The following GCA variants were observed in gnomAD, a reference collection of about 807,000 sequenced individuals.
GCA encodes the protein grancalcin, EF-hand calcium-binding protein.
In GCA, 30 loss-of-function variants were observed where a neutral mutation model predicts 32.6. The ratio of observed to expected loss-of-function variants is 0.92; its 90% CI spans 0.69 to 1.25. GCA has a LOEUF of 1.25. Ranked by LOEUF, GCA falls within the 50% of genes most tolerant of loss-of-function variation. The pLI, the probability that GCA is intolerant of heterozygous loss-of-function variation, is 0.00. For synonymous variants in GCA, 102 were observed against 84.6 expected (o/e 1.21, Z -1.13); for missense variants, 291 against 266.8 (o/e 1.09, Z -0.63).
intron 2 of GCA, among the ~76,000 whole-genome samples, chr2:162,348,554 A>G (rs1684828945): frequency 6.6e-6 from 1 of 152,118 alleles, no homozygotes; most frequent in Non-Finnish European, 1.5e-5. Context: ...ACGATGTGGT[A>G]TGGTTTTAGG....
rs1206264689 is a variant in GCA at position 162,360,379 on chromosome 2, T to C, written c.*136T>C. ...AACCTCTTCCCTTTCTGTGTGTTTT[T>C]ATTTTAGCAGATAGTTCAAAGCAAT... On this transcript the variant is annotated 3_prime_UTR_variant, in exon 8 of 8. Coordinates refer to ENST00000437150, the MANE Select transcript of GCA (RefSeq NM_012198.5). 14 of 1,373,036 alleles carry C rather than the reference T, an allele frequency of 1.0e-5. No homozygotes were observed. The Admixed American group carries it at 4.6e-4, about 45-fold the overall frequency. 85.1% of individuals were successfully genotyped at this position (1,373,036 alleles called of 1,614,324 possible).
At chr2:162,367,674 A>G (rs1334569656), downstream of GCA, among the ~76,000 whole-genome samples, 1 of 152,006 alleles carries the variant, frequency 6.6e-6, no homozygotes, top group Admixed American at 6.6e-5. Flanking sequence ...AAAAACTTTC[A>G]TCTTGGCAAC....
At chr2:162,371,004 A>C (rs1685916054) in intron 4 of GCA, among the ~76,000 whole-genome samples, 1 of 152,050 alleles carries the variant, frequency 6.6e-6, no homozygotes, top group African/African-American at 2.4e-5. Context: ...GATTGCTTTA[A>C]AATGTGAATC....
chr2:162,362,395 C>T lies in GCA; in HGVS notation c.*2152C>T, dbSNP rs1685611079. On this transcript the variant is annotated 3_prime_UTR_variant, in exon 8 of 8. Transcript: ENST00000437150. ...AGAATATTTTACCAGAATTTTTATACTGAAATACAGTTCACTTTTTCGATG... is the reference window on the plus strand; with the variant it reads ...AGAATATTTTACCAGAATTTTTATATTGAAATACAGTTCACTTTTTCGATG... The T allele has an allele frequency of 2.1e-6, 2 of 975,512 alleles. No individual in the cohort carries two copies. Among genetic ancestry groups the T allele is most frequent in the Admixed American group, 6.2e-5 (1 of 16,090 alleles). 60.4% of individuals were successfully genotyped at this position (975,512 alleles called of 1,614,324 possible).
chr2:162,360,232 A>G lies in GCA; in HGVS notation c.643A>G (p.Met215Val), dbSNP rs753222449. The change falls in exon 8 of 8, where the codon ATG (methionine) becomes GTG (valine). Residue 215 changes from methionine to valine, a missense_variant. Coordinates refer to ENST00000437150, the MANE Select transcript of GCA (RefSeq NM_012198.5). ...TATGTATTAGTTTTTGCAGGGCACT[A>G]TGGCAATTTGAATGCTTAGAATTTT... ...FIYDDFLQGT[M>V]AI 3 of 1,568,776 alleles carry G rather than the reference A, an allele frequency of 1.9e-6. No individual in the cohort carries two copies. The highest frequency in any genetic ancestry group is 2.3e-5 in the East Asian group (1 of 43,770).
chr2:162,352,926 A>G (rs1685075193), intron 3 of GCA, among the ~76,000 whole-genome samples: 1 of 152,110 alleles, frequency 6.6e-6, no homozygotes, highest in Admixed American at 6.5e-5. Context: ...ATGTATGATT[A>G]CTTTTCCTTT....
At chr2:162,371,151 GA>G (rs1410698783) in intron 4 of GCA, among the ~76,000 whole-genome samples, 2 of 152,080 alleles carry the variant, frequency 1.3e-5, no homozygotes, top group Non-Finnish European at 2.9e-5. Flanking sequence ...TGTGCCAGTG[GA>G]AAATACTTTA....
At chr2:162,320,367 C>T (rs1246035542) in intron 1 of GCA, among the ~76,000 whole-genome samples, 1 of 152,180 alleles carries the variant, frequency 6.6e-6, no homozygotes, top group Non-Finnish European at 1.5e-5. Context: ...TCTTTTAAGG[C>T]TGTTGCAAAA....
intron 1 of GCA, among the ~76,000 whole-genome samples, chr2:162,324,621 G>A (rs1426031843): frequency 6.6e-6 from 1 of 152,178 alleles, no homozygotes; most frequent in Non-Finnish European, 1.5e-5. Context: ...GGCTACGGTG[G>A]TCTTGGGAAA....
At chr2:162,358,436 T>A (rs922800681) in intron 5 of GCA, among the ~76,000 whole-genome samples, 1 of 151,340 alleles carries the variant, frequency 6.6e-6, no homozygotes. Flanking sequence ...AATCAAAGAT[T>A]TTGGACATCA....
At chr2:162,364,134 A>G (rs762673739), downstream of GCA, among the ~76,000 whole-genome samples, 3 of 151,532 alleles carry the variant, frequency 2.0e-5, no homozygotes, top group South Asian at 2.1e-4. Context: ...AGGTACCCCA[A>G]TGTTTTCCCT....
chr2:162,323,030 C>T (rs1253928290), intron 1 of GCA, among the ~76,000 whole-genome samples: 1 of 151,924 alleles, frequency 6.6e-6, no homozygotes, highest in African/African-American at 2.4e-5. Context: ...ACCAACAGTG[C>T]AAAAGTGTTC....
In GCA at chr2:162,359,102, C is replaced by A. The variant is rs370519197; in HGVS notation, c.513C>A (p.Gly171=). Residue 171 remains glycine (G), a synonymous_variant, in exon 6 of 8, where the codon GGC becomes GGA. Coordinates refer to ENST00000437150, the MANE Select transcript of GCA (RefSeq NM_012198.5). ...TTIVKRYSKN[G]RIFFDDYVAC... is the part of the protein sequence containing the mutation. The stretch of plus-strand genomic sequence containing the variant: ...TTGTTAAACGTTATAGCAAGAATGG[C>A]AGAATTTTCTTTGATGATTATGTTG... 16 of 1,606,948 alleles carry A rather than the reference C, an allele frequency of 1.0e-5. No individual in the cohort carries two copies. Among genetic ancestry groups the A allele is most frequent in the Non-Finnish European group, 1.4e-5 (16 of 1,174,896 alleles).
intron 1 of GCA, among the ~76,000 whole-genome samples, chr2:162,327,020 C>T (rs927342072): frequency 1.3e-5 from 2 of 152,196 alleles, no homozygotes; most frequent in Admixed American, 6.5e-5. Flanking sequence ...TCCCTTTCTC[C>T]TTGCTATTGG....
At chr2:162,343,286 C>A (rs1459764735), upstream of GCA, among the ~76,000 whole-genome samples, 1 of 152,198 alleles carries the variant, frequency 6.6e-6, no homozygotes, top group Non-Finnish European at 1.5e-5. Flanking sequence ...CTACAAAATT[C>A]ATTTGAGTTC....
intron 2 of GCA, among the ~76,000 whole-genome samples, chr2:162,348,708 C>T (rs957444337): frequency 1.3e-5 from 2 of 152,108 alleles, no homozygotes; most frequent in Non-Finnish European, 1.5e-5. Context: ...CTGTGGTCAA[C>T]GGAAGCTTTT....
chr2:162,359,515 A>AGGGT lies in GCA; in HGVS notation c.590_591insGGGT (p.His197GlnfsTer13). 1 of 1,536,710 alleles carries AGGGT rather than the reference A, an allele frequency of 6.5e-7. No homozygotes were observed. ...AAAGATTTCTTTAGGAAAAGAGACC[A>AGGGT]CTTGCAACAAGGGTCTGCGAATTTC... On this transcript the variant is annotated frameshift_variant, in exon 7 of 8. Coordinates refer to ENST00000437150, the MANE Select transcript of GCA (RefSeq NM_012198.5). LOFTEE classifies it high-confidence loss of function.
intron 1 of GCA, among the ~76,000 whole-genome samples, chr2:162,334,752 G>C (rs898716088): frequency 6.6e-5 from 10 of 152,120 alleles, no homozygotes; most frequent in Admixed American, 2.0e-4. Context: ...CAATAGTAGT[G>C]TAGAGCTTGG....
intron 1 of GCA, among the ~76,000 whole-genome samples, chr2:162,346,022 T>C (rs1359360176): frequency 6.6e-6 from 1 of 152,212 alleles, no homozygotes; most frequent in Non-Finnish European, 1.5e-5. Context: ...TACTTTCTTC[T>C]TTTAAGAATT....
Sources: allele counts gnomAD v4.1 joint callset (sites outside exome capture counted in the v4.1 genomes callset), GRCh38; gene constraint gnomAD v4.1.1; transcripts MANE v1.5; gene names NCBI Gene and HGNC (gene_info 2026-07-23, HGNC 2026-07-21).